Variants in TTLL1 observed in about 807,000 individuals in gnomAD.
TTLL1 encodes polyglutamylase complex subunit TTLL1.
Under a neutral mutation model 47.8 loss-of-function variants are expected in TTLL1, and 33 were observed. That is an observed-to-expected ratio of 0.69 (90% CI 0.52 to 0.92). TTLL1 has a LOEUF of 0.92. TTLL1 is among the 40% of genes least tolerant of loss of function. TTLL1 has a pLI of 0.00. For synonymous variants in TTLL1, 225 were observed against 214.1 expected (o/e 1.05, Z -0.45); for missense variants, 488 against 547.5 (o/e 0.89, Z 1.08).
At chr22:43,083,288 G>C (rs1395067269) in intron 1 of TTLL1, among the ~76,000 whole-genome samples, 2 of 152,136 alleles carry the variant, frequency 1.3e-5, no homozygotes, top group Admixed American at 1.3e-4. Flanking sequence ...AGAATGGTGT[G>C]AACCTGGGAG....
At chr22:43,044,334 TA>T (rs1925932874) in intron 10 of TTLL1, among the ~76,000 whole-genome samples, 1 of 152,070 alleles carries the variant, frequency 6.6e-6, no homozygotes, top group Admixed American at 6.6e-5. Context: ...TACTTCCATC[TA>T]AACTCCCCTT....
At chr22:43,071,413 G>A (rs1928111930) in intron 3 of TTLL1, among the ~76,000 whole-genome samples, 1 of 151,750 alleles carries the variant, frequency 6.6e-6, no homozygotes, top group African/African-American at 2.4e-5. Flanking sequence ...GTTTTGTTTT[G>A]TTTATTTGTT....
At chr22:43,079,878 G>A (rs1928768211) in intron 2 of TTLL1, 24 bp downstream of exon 2, 1 of 152,152 alleles carries the variant, frequency 6.6e-6, no homozygotes, top group Non-Finnish European at 1.5e-5. Context: ...TGGTCCCTAA[G>A]GGGCCGTCTC....
At chr22:43,060,302 A>G (rs1927310805) in intron 7 of TTLL1, among the ~76,000 whole-genome samples, 2 of 152,290 alleles carry the variant, frequency 1.3e-5, no homozygotes, top group South Asian at 4.1e-4. Context: ...TGCCTAATCC[A>G]GGGTGAAAGC....
intron 6 of TTLL1, 125 bp from the exon 7 acceptor site, chr22:43,064,046 G>T: frequency 4.0e-6 from 6 of 1,482,694 alleles, no homozygotes. Flanking sequence ...CATCGGGCCT[G>T]ACTGCTCTTA....
At chr22:43,065,787 G>C (rs1301022347) in intron 5 of TTLL1, among the ~76,000 whole-genome samples, 3 of 152,058 alleles carry the variant, frequency 2.0e-5, no homozygotes, top group Non-Finnish European at 2.9e-5. Flanking sequence ...ATGCTGATAA[G>C]GGGGGAGGCC....
chr22:43,041,034 C>T (rs776165465), intron 10 of TTLL1, among the ~76,000 whole-genome samples: 4 of 152,160 alleles, frequency 2.6e-5, no homozygotes, highest in African/African-American at 4.8e-5. Flanking sequence ...CCCCCCTCCA[C>T]GGTGACTGAC....
In TTLL1 at chr22:43,064,220, A is replaced by C; in HGVS notation, c.608T>G (p.Val203Gly). Reference protein sequence around the residue: ...RKFDLRLYVLVSTYRPLRCYM... With the variant: ...RKFDLRLYVLGSTYRPLRCYM... ...ACAGCGCAGTGGACGGTACGTGGACACCAGAACGTACAAGCGCAGGTCGAA... is the reference window on the plus strand; with the variant it reads ...ACAGCGCAGTGGACGGTACGTGGACCCCAGAACGTACAAGCGCAGGTCGAA... The change falls in exon 6 of 11, where the codon GTG becomes GGG. Residue 203 changes from valine (V) to glycine (G), a missense_variant. By Grantham distance (109) the Val-to-Gly change is moderately radical (BLOSUM62 -3). Coordinates refer to ENST00000266254, the MANE Select transcript of TTLL1 (RefSeq NM_012263.5). The C allele has an allele frequency of 6.2e-7, 1 of 1,614,140 alleles. No individual in the cohort carries two copies. Among genetic ancestry groups the C allele is most frequent in the Non-Finnish European group, 8.5e-7 (1 of 1,180,028 alleles).
chr22:43,068,481 C>T lies in TTLL1; in HGVS notation c.432G>A (p.Gln144=), dbSNP rs1299381952. 1 of 1,581,504 alleles carries T rather than the reference C, an allele frequency of 6.3e-7. No homozygotes were observed. Among genetic ancestry groups the T allele is most frequent in the Non-Finnish European group, 8.7e-7 (1 of 1,155,460 alleles). Residue 144 remains glutamine (Q), a synonymous_variant, in exon 5 of 11, where the codon CAG becomes CAA. Coordinates refer to ENST00000266254, the MANE Select transcript of TTLL1 (RefSeq NM_012263.5). Reference sequence around the variant, plus strand: ...TGTTGATAAGGAAGATGCCCTTTCCCTGGGCCTTGCCACAAGGCTTCATGA... The same window carrying T: ...TGTTGATAAGGAAGATGCCCTTTCCTTGGGCCTTGCCACAAGGCTTCATGA... ...TWIMKPCGKA[Q]GKGIFLINKL... is the part of the protein sequence containing the mutation.
rs191498149 is a variant in TTLL1, at chr22:43,079,370, G to A, written c.-5+532C>T. Among the ~76,000 whole-genome samples the A allele has an allele frequency of 3.5e-3, 484 of 138,818 alleles. 1 individual carries two copies. The highest frequency in any genetic ancestry group is 0.013 in the African/African-American group (469 of 36,752). The allele number at this position is 138,818 out of a possible 152,430, so 91.1% of individuals were successfully genotyped here. ...AGCCCATCCCACACCCCTCACACCC[G>A]AAGACATGGGGACCACGGGAGCTGC... On this transcript the variant is annotated intron_variant, in intron 2 of 10. Coordinates refer to ENST00000266254, the MANE Select transcript of TTLL1 (RefSeq NM_012263.5).
Position 43,059,479 on chromosome 22 carries a change from G to T in TTLL1, c.796C>A (p.Arg266=). 1.2e-6 allele frequency: 2 copies of T among 1,613,762 alleles called. No homozygotes were observed. The highest frequency in any genetic ancestry group is 2.7e-5 in the African/African-American group (2 of 75,026). The change falls in exon 8 of 11, where the codon CGG becomes AGG. Residue 266 remains arginine (R), a synonymous_variant. Transcript: ENST00000266254. ...HGGKWTVSNL[R]LYLESTRGKE... is the part of the protein sequence containing the mutation. ...CCGCGGGTGCTCTCCAGGTAGAGCC[G>T]CAGGTTACTCACTGTCCACTTGCCC... is the stretch of plus-strand genomic sequence containing the variant.
intron 3 of TTLL1, among the ~76,000 whole-genome samples, chr22:43,074,515 T>C (rs1349942318): frequency 1.3e-5 from 2 of 151,882 alleles, no homozygotes; most frequent in African/African-American, 4.8e-5. Flanking sequence ...AGCCTTTTTC[T>C]TCATTTCATT....
chr22:43,078,845 C>CT (rs1928681938), intron 2 of TTLL1, among the ~76,000 whole-genome samples: 1 of 151,406 alleles, frequency 6.6e-6, no homozygotes, highest in Non-Finnish European at 1.5e-5. Context: ...GCCCATCCCA[C>CT]ACCCCTCACA....
intron 7 of TTLL1, among the ~76,000 whole-genome samples, chr22:43,061,799 A>G (rs2146973410): frequency 6.6e-6 from 1 of 152,200 alleles, no homozygotes; most frequent in South Asian, 2.1e-4. Flanking sequence ...GGGCCTCGGC[A>G]CACGTTGTAC....
intron 2 of TTLL1, among the ~76,000 whole-genome samples, chr22:43,078,530 A>G (rs973076463): frequency 3.9e-5 from 6 of 152,008 alleles, no homozygotes; most frequent in Non-Finnish European, 5.9e-5. Flanking sequence ...AGAGAAGAGA[A>G]GAGAAGAAAA....
intron 8 of TTLL1, 51 bp from the exon 9 acceptor site, chr22:43,051,938 C>G (rs373110072): frequency 1.9e-5 from 30 of 1,554,030 alleles, no homozygotes; most frequent in Admixed American, 5.0e-5. Context: ...AAGGGCGCAG[C>G]CGAGACCAAC....
At chr22:43,075,436 C>T in intron 3 of TTLL1, 38 bp downstream of exon 3, 1 of 1,563,016 alleles carries the variant, frequency 6.4e-7, no homozygotes, top group Non-Finnish European at 8.8e-7. Flanking sequence ...GATACGTAAG[C>T]CTCAGAGAAA....
chr22:43,067,551 T>C (rs923716305), intron 5 of TTLL1, among the ~76,000 whole-genome samples: 29 of 152,148 alleles, frequency 1.9e-4, no homozygotes, highest in Non-Finnish European at 2.9e-5. Flanking sequence ...CCCTTCTTCA[T>C]GGCCTGCCTT....
At chr22:43,066,303 G>A (rs1927731858) in intron 5 of TTLL1, among the ~76,000 whole-genome samples, 1 of 152,026 alleles carries the variant, frequency 6.6e-6, no homozygotes, top group Non-Finnish European at 1.5e-5. Flanking sequence ...TGGGGGTGGG[G>A]TGTATCCATG....
Sources: gnomAD v4.1 joint callset for allele counts (sites outside exome capture counted in the v4.1 genomes callset) on GRCh38, gnomAD v4.1.1 for gene constraint, MANE v1.5 for transcripts, NCBI Gene and HGNC (gene_info 2026-07-23, HGNC 2026-07-21) for gene names.